NEU4: variants seen among roughly 807,000 people sequenced by gnomAD.
NEU4 encodes sialidase-4.
NEU4 carries 7 observed loss-of-function variants against 9.9 expected under a neutral mutation model. That is an observed-to-expected ratio of 0.71 (90% CI 0.40 to 1.33). The LOEUF (loss-of-function observed/expected upper bound fraction) is 1.33, where lower values mean the gene tolerates loss of function less well. Among genes scored for constraint, NEU4 ranks in the 40% most tolerant of loss-of-function variants. The probability of loss-of-function intolerance (pLI) is 0.01; values close to 1 mark genes in which losing one functional copy is unlikely to be tolerated. For synonymous variants in NEU4, 348 were observed against 316.9 expected (o/e 1.10, Z -1.04); for missense variants, 717 against 712.6 (o/e 1.01, Z -0.07).
chr2:241,809,313 C>A, intron 1 of NEU4, 39 bp downstream of exon 1: 1 of 1,170,708 alleles, frequency 8.5e-7, no homozygotes, highest in Non-Finnish European at 1.1e-6. Flanking sequence ...GTCTTTCTGG[C>A]GACGTAAAAC....
At chr2:241,814,395 T>G in intron 1 of NEU4, 87 bp from the exon 2 acceptor site, 20 of 1,314,818 alleles carry the variant, frequency 1.5e-5, no homozygotes, top group Non-Finnish European at 2.0e-5. Context: ...CTGCACCTCC[T>G]GAGCGCATTC....
chr2:241,814,632 C>A lies in NEU4; in HGVS notation c.148C>A (p.His50Asn). Residue 50 changes from histidine to asparagine, a missense_variant, in exon 2 of 4, where the codon CAC becomes AAC. By Grantham distance (68) the His-to-Asn change is moderately conservative. Transcript: ENST00000407683. ...GCAGCGGCTCAGCCCTGACGACTCC[C>A]ACGCCCACCGCCTGGTGCTGAGGAG... ...VEQRLSPDDSHAHRLVLRRGT... is the reference protein window; with the variant it reads ...VEQRLSPDDSNAHRLVLRRGT... 1 of 1,595,562 alleles carries A rather than the reference C, an allele frequency of 6.3e-7. No individual in the cohort carries two copies. The highest frequency in any genetic ancestry group is 2.3e-5 in the East Asian group (1 of 43,902).
chr2:241,813,619 G>A (rs919167561), intron 1 of NEU4: 79 of 996,724 alleles, frequency 7.9e-5, no homozygotes, highest in African/African-American at 5.5e-4. Flanking sequence ...CAGAATGGCC[G>A]CCGGGCCCCA....
chr2:241,815,172 G>C (rs924324399), intron 3 of NEU4, 25 bp downstream of exon 3: 1 of 1,513,052 alleles, frequency 6.6e-7, no homozygotes, highest in Non-Finnish European at 8.8e-7. Context: ...TGCCGGTCTG[G>C]GTCCCTTTGA....
intron 1 of NEU4, 33 bp from the exon 2 acceptor site, chr2:241,814,449 C>A: frequency 6.3e-7 from 1 of 1,593,692 alleles, no homozygotes; most frequent in Non-Finnish European, 8.6e-7. Context: ...CTGGGCCTGT[C>A]TTGCTGACCT....
rs1385456279 is a variant in NEU4 at position 241,816,616 on chromosome 2, G to A, written c.1023G>A (p.Gly341=). The change falls in exon 4 of 4, where the codon GGG becomes GGA. Residue 341 remains glycine, a synonymous_variant. Coordinates refer to ENST00000407683, the MANE Select transcript of NEU4 (RefSeq NM_001167600.3). ...CCTTCAGCCGTCTGCAGCCTCGGGG[G>A]GATGGCCCCAGGCAGCCTGGCCCCA... ...GGPFSRLQPR[G]DGPRQPGPRP... The A allele has an allele frequency of 6.3e-7, 1 of 1,575,716 alleles. No homozygotes were observed. The highest frequency in any genetic ancestry group is 8.6e-7 in the Non-Finnish European group (1 of 1,163,458).
chr2:241,812,833 T>G (rs1332913875), intron 1 of NEU4, among the ~76,000 whole-genome samples: 2 of 152,160 alleles, frequency 1.3e-5, no homozygotes, highest in Non-Finnish European at 2.9e-5. Flanking sequence ...GGCCTGGGCC[T>G]CATGTCTGCA....
At position 241,815,908 on chromosome 2, in the gene NEU4, T is replaced by C. The variant is rs901665961; in HGVS notation, c.458-143T>C. On this transcript the variant is annotated intron_variant, in intron 3 of 3. Coordinates refer to ENST00000407683, the MANE Select transcript of NEU4 (RefSeq NM_001167600.3). ...CTGGGAGGACTCAGGGCGGCTGGGA[T>C]GAGTCGTGTGGAAGGGCGGTCAGAG... 14 of 812,964 alleles carry C rather than the reference T, an allele frequency of 1.7e-5. No individual in the cohort carries two copies. In the African/African-American group the frequency reaches 2.3e-4, roughly 13 times the overall value. The allele number at this position is 812,964 out of a possible 1,614,324, so 50.4% of individuals were successfully genotyped here.
rs1307366228 is a variant in NEU4 at position 241,816,063 on chromosome 2, T to A, written c.470T>A (p.Phe157Tyr). 1 of 1,604,872 alleles carries A rather than the reference T, an allele frequency of 6.2e-7. No individual in the cohort carries two copies. The highest frequency in any genetic ancestry group is 1.3e-5 in the African/African-American group (1 of 74,710). ...CTCCTCCCTGCAGACTGGGCCACAT[T>A]CGCTGTGGGTCCCGGCCACGGTGTG... is the stretch of plus-strand genomic sequence containing the variant. ...IGGAVQDWAT[F>Y]AVGPGHGVQL... The change falls in exon 4 of 4, where the codon TTC becomes TAC. Residue 157 changes from phenylalanine to tyrosine, a missense_variant. Physicochemically the swap from Phe to Tyr is conservative, Grantham distance 22. Transcript: ENST00000407683.
intron 3 of NEU4, chr2:241,815,474 C>A: frequency 2.0e-6 from 1 of 493,608 alleles, no homozygotes; most frequent in Non-Finnish European, 4.1e-6. Context: ...ACCCAGTGGG[C>A]AGGAGCAGGC....
intron 1 of NEU4, chr2:241,811,446 C>A: frequency 6.4e-7 from 1 of 1,570,390 alleles, no homozygotes; most frequent in Non-Finnish European, 8.7e-7. Flanking sequence ...GCTCTGCAGC[C>A]TTCCCAAGGT....
rs753428990 is a variant in NEU4, at chr2:241,816,885, G to T, written c.1292G>T (p.Gly431Val). 7 of 1,612,672 alleles carry T rather than the reference G, an allele frequency of 4.3e-6. No individual in the cohort carries two copies. The highest frequency in any genetic ancestry group is 2.7e-5 in the African/African-American group (2 of 74,944). The part of the protein sequence containing the change: ...DLASIGPAPE[G>V]GLVFACLYES... ...GCGTCCATCGGGCCGGCCCCTGAGG[G>T]GGGCCTGGTTTTTGCCTGCCTGTAC... The change falls in exon 4 of 4, where the codon GGG becomes GTG. Residue 431 changes from glycine to valine, a missense_variant. Physicochemically the swap from Gly to Val is moderately radical, Grantham distance 109 (BLOSUM62 -3). Coordinates refer to ENST00000407683, the MANE Select transcript of NEU4 (RefSeq NM_001167600.3).
rs758849430 is a variant in NEU4 at position 241,816,400 on chromosome 2, G to T, written c.807G>T (p.Leu269=). 21 of 1,602,222 alleles carry T rather than the reference G, an allele frequency of 1.3e-5. No individual in the cohort carries two copies. Among genetic ancestry groups the T allele is most frequent in the Non-Finnish European group, 1.7e-5 (20 of 1,177,010 alleles). ...SFLPAERVAS[L]PETAWGCQGS... is the part of the protein sequence containing the mutation. ...TGCCCGCAGAGCGCGTGGCTTCCCT[G>T]CCCGAGACTGCCTGGGGCTGCCAGG... The change falls in exon 4 of 4, where the codon CTG becomes CTT. Residue 269 remains leucine (L), a synonymous_variant. Coordinates refer to ENST00000407683, the MANE Select transcript of NEU4 (RefSeq NM_001167600.3).
chr2:241,815,331 TC>T, intron 3 of NEU4, 184 bp downstream of exon 3: 1 of 894,396 alleles, frequency 1.1e-6, no homozygotes, highest in Non-Finnish European at 1.7e-6. Context: ...CCCAGGACCG[TC>T]CTGAGCCTCC....
Position 241,814,665 on chromosome 2 carries a change from C to CTGGCCGGGGGCTCCGTGCGGGTGAGTGAG in NEU4, c.195_201+22dup. 6.4e-7 allele frequency: 1 copy of CTGGCCGGGGGCTCCGTGCGGGTGAGTGAG among 1,561,762 alleles called. No homozygotes were observed. Among genetic ancestry groups the CTGGCCGGGGGCTCCGTGCGGGTGAGTGAG allele is most frequent in the Non-Finnish European group, 8.7e-7 (1 of 1,155,360 alleles). ...CCGCCTGGTGCTGAGGAGGGGCACG[C>CTGGCCGGGGGCTCCGTGCGGGTGAGTGAG]TGGCCGGGGGCTCCGTGCGGGTGAG... On this transcript the variant is annotated frameshift_variant, in exon 2 of 4. Coordinates refer to ENST00000407683, the MANE Select transcript of NEU4 (RefSeq NM_001167600.3). LOFTEE classifies it high-confidence loss of function.
rs371883243 is a variant in NEU4, at chr2:241,814,870, C to T, written c.202-22C>T. ...CCAGGTCCCTGGACGTCCTGGTCAG[C>T]GGAACTTCCTCCTCTGGGCAGTGGG... On this transcript the variant is annotated intron_variant, in intron 2 of 3. Coordinates refer to ENST00000407683, the MANE Select transcript of NEU4 (RefSeq NM_001167600.3). 140 of 1,594,712 alleles carry T rather than the reference C, an allele frequency of 8.8e-5. No homozygotes were observed. In the Admixed American group the frequency reaches 9.1e-4, roughly 10 times the overall value.
At chr2:241,811,794 CA>C (rs1700124049) in intron 1 of NEU4, 1 of 309,812 alleles carries the variant, frequency 3.2e-6, no homozygotes, top group African/African-American at 2.1e-5. Flanking sequence ...GGGCCCAATG[CA>C]GGGGGCCGGC....
chr2:241,815,980 C>A, intron 3 of NEU4, 71 bp from the exon 4 acceptor site: 1 of 1,432,544 alleles, frequency 7.0e-7, no homozygotes, highest in Non-Finnish European at 9.3e-7. Context: ...CCCCGTCCCC[C>A]TGTGCCTTCC....
intron 1 of NEU4, among the ~76,000 whole-genome samples, chr2:241,810,178 C>T (rs1333784347): frequency 1.3e-5 from 2 of 152,144 alleles, no homozygotes; most frequent in Admixed American, 1.3e-4. Flanking sequence ...CTGGGTCCGC[C>T]CCTCCTGGGG....
Sources: allele counts gnomAD v4.1 joint callset (sites outside exome capture counted in the v4.1 genomes callset), GRCh38; gene constraint gnomAD v4.1.1; transcripts MANE v1.5; gene names NCBI Gene and HGNC (gene_info 2026-07-23, HGNC 2026-07-21).